Variants in SPADH observed in about 807,000 individuals in gnomAD.
SPADH encodes the protein CUB domain-containing protein.
the SPADH span, among the ~76,000 whole-genome samples, chr10:122,675,225 A>G: frequency 6.6e-6 from 1 of 152,346 alleles, no homozygotes; most frequent in Admixed American, 6.5e-5. Flanking sequence ...TTTCCCAGGA[A>G]AGTGGGACGT....
chr10:122,678,951 C>G, the SPADH span: 1 of 984,512 alleles, frequency 1.0e-6, no homozygotes, highest in Non-Finnish European at 1.2e-6. Flanking sequence ...TATTACTCTT[C>G]TTCCAACATC....
chr10:122,674,890 G>A, the SPADH span, among the ~76,000 whole-genome samples: 6 of 152,282 alleles, frequency 3.9e-5, no homozygotes, highest in South Asian at 2.1e-4. Flanking sequence ...GTCCAAAGTC[G>A]TTCAGCTCTA....
chr10:122,673,172 C>A, the SPADH span, among the ~76,000 whole-genome samples: 1 of 152,180 alleles, frequency 6.6e-6, no homozygotes, highest in Non-Finnish European at 1.5e-5. Context: ...AGTTCCCGGT[C>A]TTGATGTGTT....
chr10:122,674,752 G>A, the SPADH span, among the ~76,000 whole-genome samples: 1 of 152,242 alleles, frequency 6.6e-6, no homozygotes, highest in African/African-American at 2.4e-5. Context: ...TCAGGTGTAT[G>A]CCAGGCTACC....
At chr10:122,674,152 A>T in the SPADH span, among the ~76,000 whole-genome samples, 3 of 152,366 alleles carry the variant, frequency 2.0e-5, no homozygotes, top group East Asian at 5.8e-4. Context: ...TGCAGAAACT[A>T]ATGAGTGCTG....
At chr10:122,673,264 T>C in the SPADH span, among the ~76,000 whole-genome samples, 6 of 152,134 alleles carry the variant, frequency 3.9e-5, no homozygotes, top group Non-Finnish European at 5.9e-5. Context: ...AAATCAGACA[T>C]GGTCTTGCTT....
the SPADH span, among the ~76,000 whole-genome samples, chr10:122,676,118 G>A: frequency 4.6e-5 from 7 of 152,210 alleles, no homozygotes; most frequent in Admixed American, 1.3e-4. Context: ...GAGCTTCTCC[G>A]TGAGGATGCA....
At chr10:122,674,637 A>G in the SPADH span, among the ~76,000 whole-genome samples, 2 of 152,218 alleles carry the variant, frequency 1.3e-5, no homozygotes, top group African/African-American at 4.8e-5. Flanking sequence ...CTTTCTTGTC[A>G]GAATAGGTTG....
chr10:122,676,856 CG>C, the SPADH span: 4 of 985,252 alleles, frequency 4.1e-6, no homozygotes, highest in Non-Finnish European at 4.8e-6. Context: ...AGTTGAACCC[CG>C]GGGAGATAGT....
chr10:122,673,210 A>G, the SPADH span, among the ~76,000 whole-genome samples: 1 of 152,114 alleles, frequency 6.6e-6, no homozygotes, highest in Non-Finnish European at 1.5e-5. Context: ...GCCTTAAGCA[A>G]TGTATGCTGA....
the SPADH span, among the ~76,000 whole-genome samples, chr10:122,673,232 GC>G: frequency 6.6e-6 from 1 of 152,168 alleles, no homozygotes; most frequent in Non-Finnish European, 1.5e-5. Context: ...ATTCTGCAGG[GC>G]TCACCCAGAA....
the SPADH span, chr10:122,676,833 G>A: frequency 1.2e-4 from 120 of 985,320 alleles, no homozygotes; most frequent in African/African-American, 1.7e-3. Flanking sequence ...AACTGAATGC[G>A]TCTGGATCAT....
the SPADH span, among the ~76,000 whole-genome samples, chr10:122,673,341 C>T: frequency 6.6e-6 from 1 of 152,182 alleles, no homozygotes; most frequent in African/African-American, 2.4e-5. Flanking sequence ...TTGAATGTGT[C>T]TGGGGACTTC....
chr10:122,677,967 C>T, the SPADH span, among the ~76,000 whole-genome samples: 1,357 of 152,260 alleles, frequency 8.9e-3, 14 homozygotes, highest in African/African-American at 0.03. Context: ...GCGGGATGGG[C>T]GGCTGTGGAC....
At chr10:122,674,288 T>G in the SPADH span, among the ~76,000 whole-genome samples, 1 of 152,230 alleles carries the variant, frequency 6.6e-6, no homozygotes. Context: ...GAAAAGTTCA[T>G]TACTAAAGCT....
At chr10:122,679,102 C>A in the SPADH span, 1 of 767,640 alleles carries the variant, frequency 1.3e-6, no homozygotes, top group Non-Finnish European at 1.6e-6. Flanking sequence ...CTGCCTGAGC[C>A]TGGTTCTGCA....
chr10:122,675,338 T>C, the SPADH span, among the ~76,000 whole-genome samples: 1,807 of 152,240 alleles, frequency 0.012, 21 homozygotes, highest in Non-Finnish European at 0.016. Flanking sequence ...AGTGAGACAA[T>C]TGAACTTTAA....
At chr10:122,678,511 G>A in the SPADH span, among the ~76,000 whole-genome samples, 1 of 152,148 alleles carries the variant, frequency 6.6e-6, no homozygotes, top group East Asian at 1.9e-4. Context: ...CCTGTTTGGG[G>A]AACTTGAAAC....
chr10:122,677,695 C>T, the SPADH span, among the ~76,000 whole-genome samples: 109 of 152,300 alleles, frequency 7.2e-4, no homozygotes, highest in African/African-American at 2.5e-3. Context: ...AACTGTGTGA[C>T]CCAGAGGTCC....
Sources: allele counts gnomAD v4.1 joint callset (sites outside exome capture counted in the v4.1 genomes callset), GRCh38; gene constraint gnomAD v4.1.1; transcripts MANE v1.5; gene names NCBI Gene and HGNC (gene_info 2026-07-23, HGNC 2026-07-21).